The following ASCC3 variants were observed in gnomAD, a reference collection of about 807,000 sequenced individuals.
The protein encoded by ASCC3 is ASC-1 complex subunit P200.
A neutral mutation model predicts 256.3 loss-of-function variants in ASCC3; 158 were observed. The observed-to-expected ratio is 0.62, with a 90% CI of 0.54 to 0.70. ASCC3 has a LOEUF of 0.70. ASCC3 is among the 30% of genes least tolerant of loss of function. The pLI is 0.00. For missense variants in ASCC3, 2,259 were observed against 2,626.0 expected (o/e 0.86, Z 3.05); for synonymous variants, 948 against 883.4 (o/e 1.07, Z -1.30).
chr6:100,658,240 G>A (rs1776013060), intron 16 of ASCC3, among the ~76,000 whole-genome samples: 1 of 151,482 alleles, frequency 6.6e-6, no homozygotes, highest in South Asian at 2.1e-4. Flanking sequence ...AGTATATAGT[G>A]TGATAGTTTT....
intron 16 of ASCC3, among the ~76,000 whole-genome samples, chr6:100,657,256 C>T (rs1015472458): frequency 6.6e-6 from 1 of 151,304 alleles, no homozygotes; most frequent in Admixed American, 6.6e-5. Flanking sequence ...ACGGCTAAGC[C>T]ATCCATAATG....
intron 12 of ASCC3, 114 bp from the exon 13 acceptor site, chr6:100,715,647 T>G: frequency 1.3e-6 from 1 of 769,428 alleles, no homozygotes; most frequent in Non-Finnish European, 2.2e-6. Flanking sequence ...CTATCTAGAA[T>G]GCAGAGGTAT....
At chr6:100,645,413 C>T (rs887521409) in intron 22 of ASCC3, among the ~76,000 whole-genome samples, 1 of 151,854 alleles carries the variant, frequency 6.6e-6, no homozygotes, top group Non-Finnish European at 1.5e-5. Flanking sequence ...AAGGTTTAGA[C>T]ACTTTTAAGA....
At chr6:100,538,082 G>T (rs912871550) in intron 37 of ASCC3, among the ~76,000 whole-genome samples, 1 of 151,850 alleles carries the variant, frequency 6.6e-6, no homozygotes, top group African/African-American at 2.4e-5. Context: ...AACTGATCAC[G>T]CAATATAGGT....
rs1456496319 is a variant in ASCC3, at chr6:100,607,091, G to A, written c.4786-3C>T. 1.4e-5 allele frequency: 23 copies of A among 1,613,114 alleles called. No homozygotes were observed. Among genetic ancestry groups the A allele is most frequent in the Non-Finnish European group, 1.9e-5 (23 of 1,179,616 alleles). On this transcript the variant is annotated splice_polypyrimidine_tract_variant and splice_region_variant and intron_variant, in intron 30 of 41. Coordinates refer to ENST00000369162, the MANE Select transcript of ASCC3 (RefSeq NM_006828.4). The stretch of plus-strand genomic sequence containing the variant: ...ACTGTTGCAATGATGTTCTCCATCT[G>A]CAAGTAAAAACAAAATTACAAGATG...
intron 36 of ASCC3, among the ~76,000 whole-genome samples, chr6:100,548,899 T>C (rs528789018): frequency 2.0e-5 from 3 of 152,070 alleles, no homozygotes; most frequent in Admixed American, 6.5e-5. Context: ...GTTTTTCCTA[T>C]GTATACATAC....
intron 20 of ASCC3, 27 bp downstream of exon 20, chr6:100,650,511 A>G (rs567644444): frequency 1.2e-6 from 2 of 1,609,478 alleles, no homozygotes; most frequent in Non-Finnish European, 1.7e-6. Flanking sequence ...CAAGGAAGAG[A>G]AAACTGGAAG....
chr6:100,868,454 G>A (rs906283680), intron 1 of ASCC3, among the ~76,000 whole-genome samples: 6 of 152,140 alleles, frequency 3.9e-5, no homozygotes, highest in Admixed American at 1.3e-4. Context: ...TCGTATAGCT[G>A]GCTTCACACT....
chr6:100,772,379 T>C (rs576565221), intron 8 of ASCC3, among the ~76,000 whole-genome samples: 1 of 152,294 alleles, frequency 6.6e-6, no homozygotes, highest in African/African-American at 2.4e-5. Context: ...GCTTTACCTG[T>C]AATAGCCTAA....
At chr6:100,593,492 G>T (rs1772112421) in intron 34 of ASCC3, among the ~76,000 whole-genome samples, 1 of 152,078 alleles carries the variant, frequency 6.6e-6, no homozygotes, top group African/African-American at 2.4e-5. Context: ...TAATACTGAT[G>T]AAATTTCACC....
At chr6:100,528,914 G>A (rs537650371) in intron 37 of ASCC3, among the ~76,000 whole-genome samples, 5 of 152,298 alleles carry the variant, frequency 3.3e-5, no homozygotes, top group South Asian at 4.1e-4. Flanking sequence ...GTAAAGAGGA[G>A]ATATCTGCTA....
At chr6:100,526,816 C>G (rs761904608) in intron 37 of ASCC3, among the ~76,000 whole-genome samples, 11 of 152,150 alleles carry the variant, frequency 7.2e-5, no homozygotes, top group Non-Finnish European at 1.3e-4. Context: ...GTTTTTATGG[C>G]AGAATATGAA....
intron 13 of ASCC3, among the ~76,000 whole-genome samples, chr6:100,705,899 T>C (rs1778558279): frequency 6.6e-6 from 1 of 151,970 alleles, no homozygotes; most frequent in Non-Finnish European, 1.5e-5. Context: ...TGCGCTATCG[T>C]TGACCATTGT....
intron 13 of ASCC3, among the ~76,000 whole-genome samples, chr6:100,714,084 T>C (rs1312056850): frequency 6.6e-6 from 1 of 152,222 alleles, no homozygotes; most frequent in Non-Finnish European, 1.5e-5. Context: ...CGCCTATTTT[T>C]GTAAATAAAG....
At chr6:100,714,852 T>C (rs1029624084) in intron 13 of ASCC3, among the ~76,000 whole-genome samples, 10 of 152,058 alleles carry the variant, frequency 6.6e-5, no homozygotes, top group Admixed American at 2.6e-4. Flanking sequence ...CTTTGATTTA[T>C]TTTATATACT....
At chr6:100,585,616 CT>C (rs1263340444) in intron 36 of ASCC3, among the ~76,000 whole-genome samples, 2 of 152,164 alleles carry the variant, frequency 1.3e-5, no homozygotes, top group Non-Finnish European at 2.9e-5. Flanking sequence ...TGTTCCGTTG[CT>C]GGTGAGGAAC....
intron 8 of ASCC3, among the ~76,000 whole-genome samples, chr6:100,777,748 C>A (rs1479577152): frequency 6.6e-6 from 1 of 151,932 alleles, no homozygotes; most frequent in African/African-American, 2.4e-5. Flanking sequence ...AGGAACTGTA[C>A]AGAGATTAGA....
At chr6:100,728,662 T>C (rs540212869) in intron 10 of ASCC3, among the ~76,000 whole-genome samples, 81 of 152,158 alleles carry the variant, frequency 5.3e-4, no homozygotes, top group African/African-American at 1.9e-3. Context: ...ATAAAATACA[T>C]GCTATACAAT....
intron 13 of ASCC3, among the ~76,000 whole-genome samples, chr6:100,714,641 C>A (rs1779005686): frequency 6.6e-6 from 1 of 150,892 alleles, no homozygotes; most frequent in South Asian, 2.1e-4. Context: ...AAAAGGTTAG[C>A]AACTATTATT....
Sources: allele counts gnomAD v4.1 joint callset (sites outside exome capture counted in the v4.1 genomes callset), GRCh38; gene constraint gnomAD v4.1.1; transcripts MANE v1.5; gene names NCBI Gene and HGNC (gene_info 2026-07-23, HGNC 2026-07-21).